The following CD38 variants were observed in gnomAD, a reference collection of about 807,000 sequenced individuals.
CD38 encodes ADP-ribosyl cyclase/cyclic ADP-ribose hydrolase 1.
CD38 carries 31 observed loss-of-function variants against 36.3 expected under a neutral mutation model. The ratio of observed to expected loss-of-function variants is 0.85; its 90% confidence interval spans 0.64 to 1.15. CD38 has a LOEUF of 1.15. Among genes scored for constraint, CD38 ranks in the 50% most tolerant of loss-of-function variants. CD38 has a pLI of 0.00. For missense variants in CD38, 380 were observed against 371.9 expected (o/e 1.02, Z -0.18); for synonymous variants, 131 against 135.2 (o/e 0.97, Z 0.22).
chr4:15,779,429 T>A (rs1344579234), intron 1 of CD38, among the ~76,000 whole-genome samples: 1 of 152,154 alleles, frequency 6.6e-6, no homozygotes, highest in East Asian at 1.9e-4. Flanking sequence ...AACAACCACT[T>A]TTTGGATTTG....
chr4:15,848,251 ACCCTGGATTCAACATT>A (rs375017313), intron 7 of CD38, among the ~76,000 whole-genome samples: 5 of 152,220 alleles, frequency 3.3e-5, no homozygotes, highest in Admixed American at 1.3e-4. Context: ...TCTGCCTCTG[ACCCTGGATTCAACATT>A]CCCTCAGGAA....
At chr4:15,825,740 A>G (rs1163344553) in intron 3 of CD38, 1 of 152,204 alleles carries the variant, frequency 6.6e-6, no homozygotes, top group Non-Finnish European at 1.5e-5. Flanking sequence ...TTCAGGTCCA[A>G]AGAAGTCTAG....
chr4:15,835,446 C>T (rs1012375987), intron 4 of CD38, among the ~76,000 whole-genome samples: 5 of 128,150 alleles, frequency 3.9e-5, no homozygotes, highest in African/African-American at 1.1e-4. Flanking sequence ...GGTGTGATCT[C>T]GGCTCCCTGC....
chr4:15,825,935 C>T (rs953432335), intron 3 of CD38: 2 of 152,080 alleles, frequency 1.3e-5, no homozygotes, highest in East Asian at 3.9e-4. Context: ...AACCAAAACC[C>T]TACTGCAGTT....
chr4:15,834,448 A>G (rs1009708201), intron 4 of CD38, 146 bp downstream of exon 4: 1 of 616,730 alleles, frequency 1.6e-6, no homozygotes, highest in South Asian at 2.0e-5. Context: ...AAAGGTTCAG[A>G]TGCACATGCC....
intron 1 of CD38, among the ~76,000 whole-genome samples, chr4:15,813,928 T>C (rs1265987578): frequency 6.6e-6 from 1 of 152,246 alleles, no homozygotes; most frequent in Non-Finnish European, 1.5e-5. Flanking sequence ...TGTGTCTTTA[T>C]AGTACAATGA....
chr4:15,780,532 A>G (rs62290630), intron 1 of CD38, among the ~76,000 whole-genome samples: 47,034 of 145,584 alleles, frequency 0.32, 7,772 homozygotes, highest in Non-Finnish European at 0.36. Context: ...ACACACACAC[A>G]CACACACACA....
intron 1 of CD38, among the ~76,000 whole-genome samples, chr4:15,813,177 AGACAT>A (rs1459761352): frequency 2.0e-5 from 3 of 152,240 alleles, no homozygotes; most frequent in African/African-American, 7.2e-5. Flanking sequence ...TAATGAAATC[AGACAT>A]CTTTGGACTG....
intron 1 of CD38, among the ~76,000 whole-genome samples, chr4:15,804,952 T>A (rs1379275248): frequency 6.6e-6 from 1 of 152,136 alleles, no homozygotes; most frequent in Non-Finnish European, 1.5e-5. Flanking sequence ...TGATAAACCT[T>A]TGAGATAATG....
intron 1 of CD38, among the ~76,000 whole-genome samples, chr4:15,798,608 ATCT>A (rs1292300594): frequency 1.3e-5 from 2 of 152,184 alleles, no homozygotes; most frequent in South Asian, 2.1e-4. Context: ...GGTAAAAGAA[ATCT>A]TCTGGAGAGT....
At chr4:15,816,885 C>T (rs1177931053) in intron 2 of CD38, 1 of 434,518 alleles carries the variant, frequency 2.3e-6, no homozygotes, top group South Asian at 2.5e-5. Context: ...GGGCTTTGGC[C>T]AAAAACTAGG....
Position 15,850,643 on chromosome 4 carries a change from TC to T in CD38, c.*2044del, listed in dbSNP as rs1307498213. 1 of 152,286 alleles carries T rather than the reference TC, an allele frequency of 6.6e-6. No homozygotes were observed. The highest frequency in any genetic ancestry group is 1.9e-4 in the East Asian group (1 of 5,192). The allele number at this position is 152,286 out of a possible 1,614,324, so 9.4% of individuals were successfully genotyped here. ...TCCTCCCCTGCTTGACAATCCAGTT[TC>T]CCACAGGAGCCTTTGTAGCTGTAGC... On this transcript the variant is annotated 3_prime_UTR_variant, in exon 8 of 8. Transcript: ENST00000226279.
At chr4:15,830,825 C>T (rs1445245678) in intron 3 of CD38, among the ~76,000 whole-genome samples, 3 of 152,036 alleles carry the variant, frequency 2.0e-5, no homozygotes, top group African/African-American at 7.2e-5. Context: ...TCCATTGAGC[C>T]ACTCTGTGCC....
intron 1 of CD38, among the ~76,000 whole-genome samples, chr4:15,795,219 G>A (rs367917409): frequency 5.4e-5 from 8 of 147,944 alleles, no homozygotes; most frequent in South Asian, 2.2e-4. Flanking sequence ...AATTAGTTTC[G>A]TGTGTGTGTG....
chr4:15,784,645 T>C (rs753045332), intron 1 of CD38, among the ~76,000 whole-genome samples: 6 of 152,204 alleles, frequency 3.9e-5, no homozygotes, highest in Non-Finnish European at 8.8e-5. Flanking sequence ...GTGTCCTCAC[T>C]GAGACCATGA....
At chr4:15,791,590 C>T (rs1722992208) in intron 1 of CD38, among the ~76,000 whole-genome samples, 1 of 99,914 alleles carries the variant, frequency 1.0e-5, no homozygotes, top group Non-Finnish European at 2.0e-5. Context: ...GGGGTCAGCC[C>T]CCCGCCCGGC....
intron 1 of CD38, among the ~76,000 whole-genome samples, chr4:15,797,585 G>A (rs551116822): frequency 8.0e-4 from 122 of 152,212 alleles, no homozygotes; most frequent in African/African-American, 2.9e-3. Context: ...ACTACAAGCC[G>A]GGTGGCTTCA....
intron 1 of CD38, among the ~76,000 whole-genome samples, chr4:15,802,382 A>G (rs1244693888): frequency 1.3e-5 from 2 of 152,150 alleles, no homozygotes; most frequent in Admixed American, 1.3e-4. Flanking sequence ...CTACAGATTC[A>G]GTGCAATCTC....
At chr4:15,798,181 C>T (rs1213245998) in intron 1 of CD38, among the ~76,000 whole-genome samples, 2 of 152,176 alleles carry the variant, frequency 1.3e-5, no homozygotes, top group African/African-American at 2.4e-5. Context: ...CAGGCATGAG[C>T]CACAGAGCCT....
Sources: allele counts gnomAD v4.1 joint callset (sites outside exome capture counted in the v4.1 genomes callset), GRCh38; gene constraint gnomAD v4.1.1; transcripts MANE v1.5; gene names NCBI Gene and HGNC (gene_info 2026-07-23, HGNC 2026-07-21).